The following NDUFS4 variants were observed in gnomAD, a reference collection of about 807,000 sequenced individuals.
The protein encoded by NDUFS4 is NADH dehydrogenase [ubiquinone] iron-sulfur protein 4, mitochondrial.
Under a neutral mutation model 24.3 loss-of-function variants are expected in NDUFS4, and 28 were observed. The observed-to-expected ratio is 1.15, with a 90% confidence interval of 0.85 to 1.58. The LOEUF (loss-of-function observed/expected upper bound fraction) is 1.58, where lower values mean the gene tolerates loss of function less well. Ranked by LOEUF, NDUFS4 falls within the 40% of genes most tolerant of loss-of-function variation. The pLI is 0.00. For missense variants in NDUFS4, 223 were observed against 207.9 expected, an observed-to-expected ratio of 1.07 and a Z score of -0.45; for synonymous variants, 93 against 69.7, an observed-to-expected ratio of 1.34 and a Z score of -1.67.
Position 53,578,920 on chromosome 5 carries a change from T to G in NDUFS4, c.98+18160T>G, listed in dbSNP as rs573217957. 2.0e-4 allele frequency among the ~76,000 whole-genome samples: 30 copies of G among 152,324 alleles called. No individual in the cohort carries two copies. In the South Asian group the frequency reaches 2.7e-3, roughly 14 times the overall value. ...ATTTGCAGTATTTTATGCATAAATA[T>G]ATAATAGAATTTTGTGCACCTGGCT... On this transcript the variant is annotated intron_variant, in intron 1 of 4. Coordinates refer to ENST00000296684, the MANE Select transcript of NDUFS4 (RefSeq NM_002495.4).
intron 1 of NDUFS4, among the ~76,000 whole-genome samples, chr5:53,578,764 C>G (rs978002715): frequency 3.3e-5 from 5 of 152,124 alleles, no homozygotes; most frequent in Non-Finnish European, 5.9e-5. Flanking sequence ...TCTTTTGTAG[C>G]TTCTTTTCCT....
In NDUFS4 at chr5:53,657,855, G is replaced by A. The variant is rs535930866; in HGVS notation, c.351-696G>A. Reference sequence around the variant, plus strand: ...CACGAGAATTGCTTGAACCTGGGAGGCAGAGGTTGCAGTGAGCCCAGATCA... The same window carrying A: ...CACGAGAATTGCTTGAACCTGGGAGACAGAGGTTGCAGTGAGCCCAGATCA... On this transcript the variant is annotated intron_variant, in intron 3 of 4. Coordinates refer to ENST00000296684, the MANE Select transcript of NDUFS4 (RefSeq NM_002495.4). 2.6e-5 allele frequency among the ~76,000 whole-genome samples: 4 copies of A among 151,438 alleles called. No homozygotes were observed. In the South Asian group the frequency reaches 8.3e-4, roughly 32 times the overall value.
intron 4 of NDUFS4, among the ~76,000 whole-genome samples, chr5:53,675,351 A>G (rs1031002015): frequency 2.0e-5 from 3 of 151,688 alleles, no homozygotes; most frequent in African/African-American, 7.3e-5. Flanking sequence ...TTTAGTAGAG[A>G]CGGGGTTTCA....
At chr5:53,623,957 T>C (rs1751140287) in intron 2 of NDUFS4, among the ~76,000 whole-genome samples, 1 of 152,218 alleles carries the variant, frequency 6.6e-6, no homozygotes, top group South Asian at 2.1e-4. Context: ...GACCTCATGA[T>C]CTGCCTGCCT....
At chr5:53,593,354 G>A (rs1462623220) in intron 1 of NDUFS4, among the ~76,000 whole-genome samples, 1 of 151,704 alleles carries the variant, frequency 6.6e-6, no homozygotes, top group Non-Finnish European at 1.5e-5. Flanking sequence ...TTTAATGTCC[G>A]TGGGATCAGG....
At chr5:53,602,051 T>C (rs1282678386) in intron 1 of NDUFS4, among the ~76,000 whole-genome samples, 1 of 152,198 alleles carries the variant, frequency 6.6e-6, no homozygotes, top group East Asian at 1.9e-4. Context: ...AAATGTATCG[T>C]ACAAGGATGA....
chr5:53,577,875 G>A (rs1455416852), intron 1 of NDUFS4, among the ~76,000 whole-genome samples: 1 of 152,182 alleles, frequency 6.6e-6, no homozygotes, highest in Non-Finnish European at 1.5e-5. Flanking sequence ...TAACATCCCA[G>A]CTAACAAAGA....
intron 1 of NDUFS4, among the ~76,000 whole-genome samples, chr5:53,568,247 C>T (rs1295915967): frequency 6.6e-6 from 1 of 151,948 alleles, no homozygotes; most frequent in East Asian, 1.9e-4. Flanking sequence ...TTTTTAAACC[C>T]TTGTGCATCA....
chr5:53,651,808 C>G (rs1752024683), intron 3 of NDUFS4, among the ~76,000 whole-genome samples: 1 of 141,480 alleles, frequency 7.1e-6, no homozygotes, highest in Non-Finnish European at 1.5e-5. Context: ...GAGTCTCACT[C>G]TGTCGCTCAG....
chr5:53,566,205 A>C (rs1749020615), intron 1 of NDUFS4, among the ~76,000 whole-genome samples: 1 of 152,188 alleles, frequency 6.6e-6, no homozygotes, highest in African/African-American at 2.4e-5. Flanking sequence ...TAAGGGAGAA[A>C]GATGGAGCAA....
chr5:53,560,705 T>G lies in NDUFS4; in HGVS notation c.43T>G (p.Trp15Gly). 1 of 1,614,236 alleles carries G rather than the reference T, an allele frequency of 6.2e-7. No homozygotes were observed. Among genetic ancestry groups the G allele is most frequent in the Non-Finnish European group, 8.5e-7 (1 of 1,180,036 alleles). ...GTCAGTGGTACTGAGGCAGACGTTG[T>G]GGCGGAGAAGGGCAGTGGCTGTAGC... ...SMSVVLRQTL[W>G]RRRAVAVAAL... Residue 15 changes from tryptophan (W) to glycine (G), a missense_variant, in exon 1 of 5, where the codon TGG (tryptophan) becomes GGG (glycine). Trp to Gly is a radical substitution (Grantham distance 184). Transcript: ENST00000296684.
intron 1 of NDUFS4, among the ~76,000 whole-genome samples, chr5:53,572,216 C>CT (rs762668520): frequency 3.3e-5 from 5 of 152,190 alleles, no homozygotes; most frequent in Non-Finnish European, 7.3e-5. Context: ...TGATTCGTCT[C>CT]TGACTGACCA....
chr5:53,680,526 T>C (rs1740628770), intron 4 of NDUFS4, among the ~76,000 whole-genome samples: 1 of 152,158 alleles, frequency 6.6e-6, no homozygotes, highest in South Asian at 2.1e-4. Context: ...AAAATGATGT[T>C]GAGTTCATGT....
chr5:53,619,499 A>AAC (rs1461848732), intron 2 of NDUFS4, among the ~76,000 whole-genome samples: 59 of 150,444 alleles, frequency 3.9e-4, no homozygotes, highest in Non-Finnish European at 7.1e-4. Context: ...AAAAAAAAAA[A>AAC]AAAAAAAAAC....
Position 53,573,662 on chromosome 5 carries a change from C to T in NDUFS4, c.98+12902C>T, listed in dbSNP as rs142547328. The T allele has an allele frequency of 1.1e-3, 484 of 435,860 alleles. 2 individuals carry two copies. The highest frequency in any genetic ancestry group is 9.2e-3 in the African/African-American group (450 of 48,926). The allele number at this position is 435,860 out of a possible 1,614,324, so 27.0% of individuals were successfully genotyped here. On this transcript the variant is annotated intron_variant, in intron 1 of 4. Coordinates refer to ENST00000296684, the MANE Select transcript of NDUFS4 (RefSeq NM_002495.4). ...GGAGTGCAGTGGTGCAATCATAGCT[C>T]ACTACATCCCTGAGCTCCTGGGCTT... is the stretch of plus-strand genomic sequence containing the variant.
intron 4 of NDUFS4, among the ~76,000 whole-genome samples, chr5:53,677,674 G>A (rs1740523862): frequency 6.6e-6 from 1 of 152,144 alleles, no homozygotes. Context: ...TACATAGCCT[G>A]GTGAAGAATC....
At chr5:53,653,881 G>T (rs566725714) in intron 3 of NDUFS4, among the ~76,000 whole-genome samples, 3 of 152,042 alleles carry the variant, frequency 2.0e-5, no homozygotes, top group African/African-American at 4.8e-5. Context: ...TTCTAGTTGA[G>T]TATTGCTAAT....
intron 4 of NDUFS4, among the ~76,000 whole-genome samples, chr5:53,666,398 T>C (rs566135168): frequency 3.1e-4 from 47 of 152,350 alleles, no homozygotes; most frequent in Non-Finnish European, 6.0e-4. Context: ...TCTATCTGAC[T>C]TCTACCTCCC....
chr5:53,676,133 A>G (rs912208418), intron 4 of NDUFS4, among the ~76,000 whole-genome samples: 5 of 152,248 alleles, frequency 3.3e-5, no homozygotes, highest in Non-Finnish European at 5.9e-5. Flanking sequence ...CAAGTCAAAC[A>G]GCACAGATTT....
Sources: allele counts gnomAD v4.1 joint callset (sites outside exome capture counted in the v4.1 genomes callset), GRCh38; gene constraint gnomAD v4.1.1; transcripts MANE v1.5; gene names NCBI Gene and HGNC (gene_info 2026-07-23, HGNC 2026-07-21).